TENM2: variants seen among roughly 807,000 people sequenced by gnomAD.
TENM2 encodes the protein teneurin transmembrane protein 2, also known as teneurin-2.
TENM2 carries 52 observed loss-of-function variants against 245.2 expected under a neutral mutation model. The ratio of observed to expected loss-of-function variants is 0.21; its 90% CI spans 0.17 to 0.27. The LOEUF (loss-of-function observed/expected upper bound fraction) is 0.27, where lower values mean the gene tolerates loss of function less well. TENM2 is among the 10% of genes least tolerant of loss of function. TENM2 has a pLI of 1.00. For synonymous variants in TENM2, 1,363 were observed against 1,438.9 expected, an observed-to-expected ratio of 0.95 and a Z score of 1.19; for missense variants, 3,046 against 3,666.8, an observed-to-expected ratio of 0.83 and a Z score of 4.37.
intron 13 of TENM2, among the ~76,000 whole-genome samples, chr5:168,175,334 C>T (rs1196672731): frequency 6.6e-6 from 1 of 152,154 alleles, no homozygotes; most frequent in Non-Finnish European, 1.5e-5. Flanking sequence ...TCAAATAATA[C>T]ATACATTTCA....
chr5:167,590,325 A>C (rs1415070366), intron 2 of TENM2, among the ~76,000 whole-genome samples: 2 of 152,098 alleles, frequency 1.3e-5, no homozygotes, highest in Non-Finnish European at 2.9e-5. Context: ...CTTTAAAAAA[A>C]ATCCCCATTA....
intron 1 of TENM2, among the ~76,000 whole-genome samples, chr5:167,358,433 T>G (rs1181404052): frequency 6.6e-6 from 1 of 151,408 alleles, no homozygotes. Context: ...CATACACTCG[T>G]GGCTTTCCTC....
the TENM2 span, among the ~76,000 whole-genome samples, chr5:167,167,704 CT>C: frequency 9.2e-5 from 14 of 152,142 alleles, no homozygotes; most frequent in African/African-American, 2.9e-4. Context: ...GACTGTTTCA[CT>C]CTTTTGTGTT....
intron 13 of TENM2, among the ~76,000 whole-genome samples, chr5:168,183,463 C>T (rs955845023): frequency 2.0e-5 from 3 of 152,174 alleles, no homozygotes; most frequent in African/African-American, 4.8e-5. Context: ...CAAACTAACT[C>T]CCAAGGCAAA....
At chr5:168,204,567 A>G (rs1762203433) in exon 19 of TENM2, 1 of 1,613,958 alleles carries the variant, frequency 6.2e-7, no homozygotes, top group Non-Finnish European at 8.5e-7. Context: ...GGTGACTTCA[A>G]TTACATCCGA....
chr5:167,305,380 AC>A (rs1477269446), intron 1 of TENM2, among the ~76,000 whole-genome samples: 1 of 152,184 alleles, frequency 6.6e-6, no homozygotes, highest in African/African-American at 2.4e-5. Flanking sequence ...TCCTATAAGC[AC>A]CCACCTTGCA....
At chr5:167,842,360 G>A (rs1027445089) in intron 2 of TENM2, among the ~76,000 whole-genome samples, 8 of 151,992 alleles carry the variant, frequency 5.3e-5, no homozygotes, top group East Asian at 1.9e-4. Flanking sequence ...AGGCTGAGGC[G>A]GTTGGATCAC....
chr5:167,958,978 G>A (rs373170284), intron 4 of TENM2, among the ~76,000 whole-genome samples: 3 of 152,038 alleles, frequency 2.0e-5, no homozygotes, highest in East Asian at 1.9e-4. Flanking sequence ...TCTTCTCAAG[G>A]AGTATCTTTT....
chr5:167,356,833 T>G (rs758053448), intron 1 of TENM2, among the ~76,000 whole-genome samples: 43 of 152,230 alleles, frequency 2.8e-4, no homozygotes, highest in Non-Finnish European at 5.9e-4. Flanking sequence ...CATCAACCCC[T>G]TTCTCCATAA....
At chr5:167,151,253 T>C in the TENM2 span, among the ~76,000 whole-genome samples, 1 of 152,146 alleles carries the variant, frequency 6.6e-6, no homozygotes, top group South Asian at 2.1e-4. Flanking sequence ...AAAACATTAT[T>C]ATTTTTTTCA....
intron 2 of TENM2, among the ~76,000 whole-genome samples, chr5:167,796,892 C>A (rs1476312238): frequency 6.6e-6 from 1 of 152,042 alleles, no homozygotes; most frequent in East Asian, 1.9e-4. Context: ...GTGAGTCAGG[C>A]ATGTCCTCCT....
At chr5:168,142,811 C>A (rs1320269000) in intron 12 of TENM2, among the ~76,000 whole-genome samples, 3 of 152,180 alleles carry the variant, frequency 2.0e-5, no homozygotes, top group Admixed American at 1.3e-4. Flanking sequence ...GCAAAACATA[C>A]TATTCAGAAA....
intron 13 of TENM2, among the ~76,000 whole-genome samples, chr5:168,190,005 A>T (rs911837375): frequency 6.6e-6 from 1 of 152,162 alleles, no homozygotes; most frequent in Non-Finnish European, 1.5e-5. Context: ...TTAAAAGCGA[A>T]GTTTTTGTTT....
chr5:167,199,361 C>G, the TENM2 span, among the ~76,000 whole-genome samples: 1 of 152,058 alleles, frequency 6.6e-6, no homozygotes, highest in Non-Finnish European at 1.5e-5. Flanking sequence ...TTGTAACTGG[C>G]ATTCTCATCT....
chr5:167,239,591 T>C, the TENM2 span, among the ~76,000 whole-genome samples: 1 of 152,200 alleles, frequency 6.6e-6, no homozygotes, highest in Non-Finnish European at 1.5e-5. Context: ...AGGTACCTTT[T>C]ACTAGACTTC....
intron 2 of TENM2, among the ~76,000 whole-genome samples, chr5:167,867,805 C>T (rs1373619681): frequency 6.6e-6 from 1 of 152,190 alleles, no homozygotes; most frequent in Non-Finnish European, 1.5e-5. Context: ...CCACCCAACC[C>T]TCTCTTGTCA....
chr5:167,479,905 T>G (rs1054889866), intron 2 of TENM2, among the ~76,000 whole-genome samples: 2 of 152,214 alleles, frequency 1.3e-5, no homozygotes. Context: ...AACATTTTAA[T>G]GCATGACTGT....
At chr5:166,991,986 G>C in the TENM2 span, among the ~76,000 whole-genome samples, 13 of 151,688 alleles carry the variant, frequency 8.6e-5, no homozygotes, top group African/African-American at 2.2e-4. Flanking sequence ...ATGTGTAGCT[G>C]TGTCTTTCTT....
chr5:167,151,282 A>G, the TENM2 span, among the ~76,000 whole-genome samples: 101 of 152,270 alleles, frequency 6.6e-4, no homozygotes, highest in Non-Finnish European at 1.3e-3. Context: ...AGTTTTATGA[A>G]CATGCCAACA....
Sources: allele counts gnomAD v4.1 joint callset (sites outside exome capture counted in the v4.1 genomes callset), GRCh38; gene constraint gnomAD v4.1.1; transcripts MANE v1.5; gene names NCBI Gene and HGNC (gene_info 2026-07-23, HGNC 2026-07-21).